The following PDHX variants were observed in gnomAD, a reference collection of about 807,000 sequenced individuals.
PDHX encodes the protein pyruvate dehydrogenase protein X component, mitochondrial.
A neutral mutation model predicts 55.3 loss-of-function variants in PDHX; 33 were observed. The observed-to-expected ratio is 0.60, with a 90% confidence interval of 0.45 to 0.80. The LOEUF is 0.80. Among genes scored for constraint, PDHX ranks in the 30% least tolerant of loss-of-function variants. The pLI, the probability that PDHX is intolerant of heterozygous loss-of-function variation, is 0.00. For missense variants in PDHX, 622 were observed against 619.9 expected (o/e 1.00, Z -0.04); for synonymous variants, 226 against 219.4 (o/e 1.03, Z -0.27).
intron 5 of PDHX, among the ~76,000 whole-genome samples, chr11:34,965,059 G>C (rs148034163): frequency 5.3e-5 from 8 of 152,176 alleles, no homozygotes; most frequent in Admixed American, 2.0e-4. Context: ...AAACTTACCA[G>C]CTTAAAATAA....
In PDHX at chr11:34,983,950, A is replaced by T. The variant is rs539686764; in HGVS notation, c.1024-620A>T. On this transcript the variant is annotated intron_variant, in intron 8 of 10. Coordinates refer to ENST00000227868, the MANE Select transcript of PDHX (RefSeq NM_003477.3). ...TTTAAAGTTCATATGGAACCAAAAA[A>T]GAACCCGCATTGCCAAGTCAATCCT... Among the ~76,000 whole-genome samples, 3 of 152,372 alleles carry T rather than the reference A, an allele frequency of 2.0e-5. No individual in the cohort carries two copies. In the East Asian group the frequency reaches 5.8e-4, roughly 29 times the overall value.
intron 8 of PDHX, among the ~76,000 whole-genome samples, chr11:34,984,052 G>A (rs184384466): frequency 2.0e-5 from 3 of 152,170 alleles, no homozygotes; most frequent in African/African-American, 7.2e-5. Flanking sequence ...AACCAAAACA[G>A]CATGGTACTG....
intron 1 of PDHX, 63 bp downstream of exon 1, chr11:34,916,878 A>C: frequency 6.9e-7 from 1 of 1,454,446 alleles, no homozygotes; most frequent in South Asian, 1.2e-5. Context: ...GGACAGGGGC[A>C]GTTATGATTG....
chr11:34,955,325 A>G (rs12291039), intron 3 of PDHX, among the ~76,000 whole-genome samples: 15,337 of 152,208 alleles, frequency 0.1, 1,628 homozygotes, highest in African/African-American at 0.27. Context: ...GTATTTGCCT[A>G]CTACAGTGTA....
chr11:34,930,846 C>T (rs1854144229), intron 1 of PDHX, among the ~76,000 whole-genome samples: 1 of 152,216 alleles, frequency 6.6e-6, no homozygotes. Context: ...CTTGACAAGG[C>T]AAACGTTTCC....
intron 3 of PDHX, among the ~76,000 whole-genome samples, chr11:34,952,553 T>C (rs1159149251): frequency 6.6e-6 from 1 of 150,756 alleles, no homozygotes; most frequent in Non-Finnish European, 1.5e-5. Context: ...AATCAATAAA[T>C]GTAATCCAAC....
intron 1 of PDHX, among the ~76,000 whole-genome samples, chr11:34,925,203 T>C (rs760027767): frequency 6.6e-6 from 1 of 152,228 alleles, no homozygotes; most frequent in Non-Finnish European, 1.5e-5. Flanking sequence ...TTGCAGTTTT[T>C]ATATATCCTC....
At chr11:34,940,136 T>C (rs939038133) in intron 2 of PDHX, among the ~76,000 whole-genome samples, 2 of 152,152 alleles carry the variant, frequency 1.3e-5, no homozygotes, top group Admixed American at 1.3e-4. Flanking sequence ...ATATTTGAGA[T>C]TTTTCTGCTC....
intron 1 of PDHX, among the ~76,000 whole-genome samples, chr11:34,917,159 C>T (rs577009046): frequency 3.0e-4 from 45 of 152,276 alleles, no homozygotes; most frequent in African/African-American, 1.0e-3. Context: ...GGTTGTCAAA[C>T]GTCTCGGACG....
At chr11:34,933,345 G>A (rs548746430) in intron 2 of PDHX, among the ~76,000 whole-genome samples, 1,590 of 152,196 alleles carry the variant, frequency 0.01, 26 homozygotes, top group African/African-American at 0.036. Context: ...GGCCCTAATA[G>A]ATTATAACTG....
chr11:34,931,427 C>G lies in PDHX; in HGVS notation c.184C>G (p.Pro62Ala). 1 of 1,603,188 alleles carries G rather than the reference C, an allele frequency of 6.2e-7. No homozygotes were observed. The change falls in exon 2 of 11, where the codon CCA becomes GCA. Residue 62 changes from proline (P) to alanine (A), a missense_variant. By Grantham distance (27) the Pro-to-Ala change is conservative (BLOSUM62 -1). Coordinates refer to ENST00000227868, the MANE Select transcript of PDHX (RefSeq NM_003477.3). ...LRGDPIKILM[P>A]SLSPTMEEGN... ...AGGTGATCCCATTAAGATACTAATG[C>G]CATCACTGTCTCCTACAATGGAAGA...
chr11:34,988,961 T>C (rs1034719044), intron 9 of PDHX, among the ~76,000 whole-genome samples: 8 of 152,236 alleles, frequency 5.3e-5, no homozygotes, highest in Non-Finnish European at 1.0e-4. Flanking sequence ...TAATTGTGTA[T>C]GAGTAGGAAA....
chr11:34,980,506 A>C (rs1163042474), intron 8 of PDHX, among the ~76,000 whole-genome samples: 8 of 151,822 alleles, frequency 5.3e-5, no homozygotes, highest in Non-Finnish European at 1.2e-4. Flanking sequence ...TACATTTTGT[A>C]ATTAAATTTA....
At chr11:34,921,682 G>C (rs2915202) in intron 1 of PDHX, among the ~76,000 whole-genome samples, 120,226 of 152,134 alleles carry the variant, frequency 0.79, 47,674 homozygotes, top group East Asian at 0.83. Context: ...CAAAGCACTT[G>C]TAGGCTACTC....
At chr11:34,976,434 C>T (rs1208716784) in intron 7 of PDHX, among the ~76,000 whole-genome samples, 1 of 152,180 alleles carries the variant, frequency 6.6e-6, no homozygotes, top group African/African-American at 2.4e-5. Context: ...GAGAAACCTA[C>T]TTTACACATG....
chr11:34,981,957 T>C (rs1481462347), intron 8 of PDHX, among the ~76,000 whole-genome samples: 1 of 152,222 alleles, frequency 6.6e-6, no homozygotes, highest in Non-Finnish European at 1.5e-5. Flanking sequence ...AGGTTGCCTG[T>C]TCACTCTGAT....
Position 34,995,151 on chromosome 11 carries a change from G to T in PDHX, c.1485G>T (p.Glu495Asp). 6.2e-7 allele frequency: 1 copy of T among 1,613,940 alleles called. No individual in the cohort carries two copies. The highest frequency in any genetic ancestry group is 1.1e-5 in the South Asian group (1 of 91,040). ...RFLKSFKANL[E>D]NPIRLA is the part of the protein sequence containing the mutation. ...TTAAAAGTTTTAAAGCAAACCTAGA[G>T]AATCCTATCCGACTTGCCTAGTCCT... The change falls in exon 11 of 11, where the codon GAG becomes GAT. Residue 495 changes from glutamate (E) to aspartate (D), a missense_variant. Physicochemically the swap from Glu to Asp is conservative, Grantham distance 45. Coordinates refer to ENST00000227868, the MANE Select transcript of PDHX (RefSeq NM_003477.3).
intron 2 of PDHX, among the ~76,000 whole-genome samples, chr11:34,938,270 A>C (rs898736032): frequency 5.3e-5 from 8 of 152,244 alleles, no homozygotes; most frequent in African/African-American, 1.9e-4. Flanking sequence ...TAGGAATTTC[A>C]GAAGAAGAAA....
At chr11:34,940,851 G>A (rs1210477976) in intron 2 of PDHX, among the ~76,000 whole-genome samples, 1 of 152,146 alleles carries the variant, frequency 6.6e-6, no homozygotes, top group Non-Finnish European at 1.5e-5. Context: ...GATTTAGCAT[G>A]ATTAAGGTTC....
Sources: gnomAD v4.1 joint callset for allele counts (sites outside exome capture counted in the v4.1 genomes callset) on GRCh38, gnomAD v4.1.1 for gene constraint, MANE v1.5 for transcripts, NCBI Gene and HGNC (gene_info 2026-07-23, HGNC 2026-07-21) for gene names.